SCN11A: variants seen among roughly 807,000 people sequenced by gnomAD.
The protein encoded by SCN11A is sodium channel protein type 11 subunit alpha.
SCN11A carries 122 observed loss-of-function variants against 162.2 expected under a neutral mutation model. That is an observed-to-expected ratio of 0.75 (90% confidence interval 0.65 to 0.87). SCN11A has a LOEUF of 0.87. Ranked by LOEUF, SCN11A falls within the 40% of genes least tolerant of loss-of-function variation. The probability of loss-of-function intolerance (pLI) is 0.00; values close to 1 mark genes in which losing one functional copy is unlikely to be tolerated. For missense variants in SCN11A, 2,015 were observed against 2,181.6 expected (o/e 0.92, Z 1.52); for synonymous variants, 758 against 751.5 (o/e 1.01, Z -0.14).
chr3:38,950,114 TG>T lies in SCN11A; in HGVS notation c.248del (p.Pro83HisfsTer12). On this transcript the variant is annotated frameshift_variant, in exon 5 of 30. Coordinates refer to ENST00000302328, the MANE Select transcript of SCN11A (RefSeq NM_001349253.2). LOFTEE classifies it high-confidence loss of function. ...LIGKPLEDLD[P>X]FYRNHKTFMV... ...GAAGTACCTTATGATTTCGGTAGAA[TG>T]GGTCCAAGTCTTCCAGAGGCTTTCC... The T allele has an allele frequency of 7.7e-7, 1 of 1,306,996 alleles. No homozygotes were observed. The highest frequency in any genetic ancestry group is 1.0e-6 in the Non-Finnish European group (1 of 983,268). 81.0% of individuals were successfully genotyped at this position (1,306,996 alleles called of 1,614,324 possible). A position where few individuals can be genotyped will look rare whatever the true frequency, so the allele number is the denominator to read the frequency against.
At chr3:39,041,738 C>A (rs914670446) in intron 1 of SCN11A, among the ~76,000 whole-genome samples, 5 of 152,050 alleles carry the variant, frequency 3.3e-5, no homozygotes, top group African/African-American at 9.7e-5. Context: ...TGATAACCAC[C>A]ATCATGAAAA....
intron 19 of SCN11A, among the ~76,000 whole-genome samples, chr3:38,891,332 T>C (rs1469827583): frequency 6.6e-6 from 1 of 150,800 alleles, no homozygotes; most frequent in Non-Finnish European, 1.5e-5. Flanking sequence ...TAAAGATGAA[T>C]CAACAGAGAC....
intron 19 of SCN11A, among the ~76,000 whole-genome samples, chr3:38,893,711 G>A (rs2065538715): frequency 6.6e-6 from 1 of 151,764 alleles, no homozygotes; most frequent in South Asian, 2.1e-4. Context: ...ATAACAAATA[G>A]AAATTTGAGA....
chr3:38,896,027 A>T (rs1418151640), intron 18 of SCN11A, among the ~76,000 whole-genome samples: 2 of 152,174 alleles, frequency 1.3e-5, no homozygotes, highest in African/African-American at 2.4e-5. Flanking sequence ...ATAAATATCT[A>T]TGCTTCCAGC....
chr3:38,894,617 T>A lies in SCN11A; in HGVS notation c.2751A>T (p.Ala917=). 6.2e-7 allele frequency: 1 copy of A among 1,614,162 alleles called. No homozygotes were observed. Among genetic ancestry groups the A allele is most frequent in the Non-Finnish European group, 8.5e-7 (1 of 1,180,008 alleles). The change falls in exon 19 of 30, where the codon GCA becomes GCT. Residue 917 remains alanine, a synonymous_variant. Coordinates refer to ENST00000302328, the MANE Select transcript of SCN11A (RefSeq NM_001349253.2). ...LGVRHDWTWL[A]PLAEEEDDVE... ...CGTCATCTTCCTCCTCCGCAAGTGG[T>A]GCCAACCAAGTCCAATCATGCCTGA... is the stretch of plus-strand genomic sequence containing the variant.
chr3:39,016,049 G>A (rs918207600), intron 2 of SCN11A, among the ~76,000 whole-genome samples: 5 of 152,164 alleles, frequency 3.3e-5, no homozygotes, highest in African/African-American at 9.7e-5. Context: ...TTTTTAAGGC[G>A]CTATCAGGAG....
At chr3:39,038,502 T>A (rs1207385069) in intron 1 of SCN11A, among the ~76,000 whole-genome samples, 1 of 152,218 alleles carries the variant, frequency 6.6e-6, no homozygotes, top group East Asian at 1.9e-4. Context: ...AACACCAATA[T>A]AACCATTGCT....
intron 29 of SCN11A, chr3:38,850,090 G>A: frequency 5.9e-6 from 1 of 170,468 alleles, no homozygotes; most frequent in Non-Finnish European, 1.2e-5. Context: ...AAAAAACATG[G>A]GCAGTAAATC....
At chr3:39,040,289 G>A (rs895163852) in intron 1 of SCN11A, among the ~76,000 whole-genome samples, 4 of 152,172 alleles carry the variant, frequency 2.6e-5, no homozygotes, top group South Asian at 2.1e-4. Context: ...GTCTAAGATC[G>A]AGTGTGGAGA....
rs2065665922 is a variant in SCN11A, at chr3:38,899,780, G to A, written c.2022+114C>T. 5.0e-6 allele frequency: 4 copies of A among 798,106 alleles called. No individual in the cohort carries two copies. The East Asian group carries it at 1.1e-4, about 21-fold the overall frequency. 49.4% of individuals were successfully genotyped at this position (798,106 alleles called of 1,614,324 possible). A position where few individuals can be genotyped will look rare whatever the true frequency, so the allele number is the denominator to read the frequency against. ...GGAAGAGGAGTGCAGTTTTGGTTCT[G>A]GGGTTAAGGTAAGATAAATTAAAGT... On this transcript the variant is annotated intron_variant, in intron 17 of 29. Coordinates refer to ENST00000302328, the MANE Select transcript of SCN11A (RefSeq NM_001349253.2).
At chr3:38,948,141 G>C (rs185124566) in intron 5 of SCN11A, among the ~76,000 whole-genome samples, 97 of 152,268 alleles carry the variant, frequency 6.4e-4, no homozygotes, top group Admixed American at 1.0e-3. Flanking sequence ...TGAGCCACGG[G>C]GTTTTTTAAA....
chr3:38,855,230 C>A (rs778848390), intron 28 of SCN11A, among the ~76,000 whole-genome samples: 1 of 152,120 alleles, frequency 6.6e-6, no homozygotes, highest in Non-Finnish European at 1.5e-5. Context: ...GGGAGCTGGG[C>A]GAGGCCTTTC....
intron 20 of SCN11A, among the ~76,000 whole-genome samples, 199 bp from the exon 21 acceptor site, chr3:38,885,601 C>A (rs1452658098): frequency 1.3e-5 from 2 of 152,186 alleles, no homozygotes; most frequent in Non-Finnish European, 2.9e-5. Flanking sequence ...CAGAAGAGAA[C>A]TCTCTAGCTC....
At chr3:38,905,752 G>C (rs6766838) in intron 14 of SCN11A, among the ~76,000 whole-genome samples, 135,705 of 152,266 alleles carry the variant, frequency 0.89, 60,552 homozygotes, top group South Asian at 0.92. Context: ...AGTGCTAGCT[G>C]CAGTTGTGAA....
chr3:38,855,271 T>G (rs1460139436), intron 28 of SCN11A, among the ~76,000 whole-genome samples: 1 of 152,132 alleles, frequency 6.6e-6, no homozygotes, highest in Non-Finnish European at 1.5e-5. Context: ...TCTCTGGTGA[T>G]CTATACTGCA....
At chr3:39,026,947 T>A (rs1208461085) in intron 2 of SCN11A, among the ~76,000 whole-genome samples, 1 of 152,160 alleles carries the variant, frequency 6.6e-6, no homozygotes, top group Non-Finnish European at 1.5e-5. Flanking sequence ...CTTATTAGTG[T>A]TAAGTCAGAG....
chr3:38,959,487 C>T (rs79541587), intron 3 of SCN11A, among the ~76,000 whole-genome samples: 2,657 of 152,252 alleles, frequency 0.017, 76 homozygotes, highest in African/African-American at 0.06. Flanking sequence ...GGCTGGTATG[C>T]GTCTATGGCA....
At chr3:38,909,310 G>GAAGCACAACTTCCCCCA in intron 12 of SCN11A, 116 bp from the exon 13 acceptor site, 1 of 890,366 alleles carries the variant, frequency 1.1e-6, no homozygotes, top group East Asian at 2.6e-5. Context: ...AGCACTGGTG[G>GAAGCACAACTTCCCCCA]GCTCAGTTGA....
At chr3:39,007,672 C>T (rs1440101980) in intron 2 of SCN11A, among the ~76,000 whole-genome samples, 1 of 152,196 alleles carries the variant, frequency 6.6e-6, no homozygotes, top group African/African-American at 2.4e-5. Flanking sequence ...ATCCCAAATC[C>T]ATCGGGAAAG....
Sources: gnomAD v4.1 joint callset for allele counts (sites outside exome capture counted in the v4.1 genomes callset) on GRCh38, gnomAD v4.1.1 for gene constraint, MANE v1.5 for transcripts, NCBI Gene and HGNC (gene_info 2026-07-23, HGNC 2026-07-21) for gene names.